Variants in FBXL15 observed in about 807,000 individuals in gnomAD.
The protein encoded by FBXL15 is F-box/LRR-repeat protein 15.
Under a neutral mutation model 23.6 loss-of-function variants are expected in FBXL15, and 19 were observed. The ratio of observed to expected loss-of-function variants is 0.81; its 90% CI spans 0.56 to 1.18. The LOEUF is 1.18. Ranked by LOEUF, FBXL15 falls within the 50% of genes most tolerant of loss-of-function variation. The pLI is 0.00. For synonymous variants in FBXL15, 224 were observed against 207.7 expected (o/e 1.08, Z -0.67); for missense variants, 385 against 425.4 (o/e 0.91, Z 0.83).
intron 1 of FBXL15, 65 bp downstream of exon 1, chr10:102,421,247 G>T: frequency 1.9e-6 from 3 of 1,581,354 alleles, no homozygotes. Flanking sequence ...AGCCGGGGCT[G>T]GGTCTGGGGG....
In FBXL15 at chr10:102,423,009, G is replaced by C. The variant is rs2061580848; in HGVS notation, c.*16G>C. The stretch of plus-strand genomic sequence containing the variant: ...GCAGGTCTGACCCGCCTGCCAATCG[G>C]AGCACAGCTGGACTGTGTGGCTGGG... On this transcript the variant is annotated 3_prime_UTR_variant, in exon 4 of 4. Coordinates refer to ENST00000369956, the MANE Select transcript of FBXL15 (RefSeq NM_024326.4). The surrounding 1 kb of genome is among the most constrained non-coding windows in gnomAD (Gnocchi z 5.6). The C allele has an allele frequency of 1.3e-6, 2 of 1,529,644 alleles. No individual in the cohort carries two copies. The highest frequency in any genetic ancestry group is 1.4e-5 in the African/African-American group (1 of 73,166). 94.8% of individuals were successfully genotyped at this position (1,529,644 alleles called of 1,614,324 possible).
Position 102,421,916 on chromosome 10 carries a change from A to G in FBXL15, c.337A>G (p.Asn113Asp), listed in dbSNP as rs1445565740. The change falls in exon 3 of 4, where the codon AAT becomes GAT. Residue 113 changes from asparagine to aspartate, a missense_variant. Asn to Asp is a conservative substitution (Grantham distance 23, BLOSUM62 1). Transcript: ENST00000369956. ...DEDLVPVLARNPQLRSVALGG... is the reference protein window; with the variant it reads ...DEDLVPVLARDPQLRSVALGG... ...GGACCTGGTGCCGGTGCTGGCGCGG[A>G]ATCCGCAGCTGCGGAGTGTGGCGTT... is the stretch of plus-strand genomic sequence containing the variant. The G allele has an allele frequency of 1.9e-6, 3 of 1,605,792 alleles. No individual in the cohort carries two copies. The East Asian group carries it at 6.7e-5, about 36-fold the overall frequency.
In FBXL15 at chr10:102,421,527, C is replaced by T; in HGVS notation, c.207+20C>T. Reference sequence around the variant, plus strand: ...GCGCAGGTGAGCCGGGGGCTGAAGCCCCGCCCCTGCCTGGGTACCGCCCCG... The same window carrying T: ...GCGCAGGTGAGCCGGGGGCTGAAGCTCCGCCCCTGCCTGGGTACCGCCCCG... On this transcript the variant is annotated intron_variant, in intron 2 of 3. Coordinates refer to ENST00000369956, the MANE Select transcript of FBXL15 (RefSeq NM_024326.4). 3 of 1,450,354 alleles carry T rather than the reference C, an allele frequency of 2.1e-6. No homozygotes were observed. Among genetic ancestry groups the T allele is most frequent in the Non-Finnish European group, 2.7e-6 (3 of 1,104,868 alleles). The allele number at this position is 1,450,354 out of a possible 1,614,324, so 89.8% of individuals were successfully genotyped here.
Position 102,422,699 on chromosome 10 carries a change from A to G in FBXL15, c.714-105A>G. Reference sequence around the variant, plus strand: ...TGCCCCGAGCTGGAGGGAGACCGGGATTTTGCCGGAGCCAGTCCGAGGCTG... The same window carrying G: ...TGCCCCGAGCTGGAGGGAGACCGGGGTTTTGCCGGAGCCAGTCCGAGGCTG... On this transcript the variant is annotated intron_variant, in intron 3 of 3. Coordinates refer to ENST00000369956, the MANE Select transcript of FBXL15 (RefSeq NM_024326.4). 1.2e-5 allele frequency: 15 copies of G among 1,253,952 alleles called. No individual in the cohort carries two copies. The South Asian group carries it at 2.1e-4, about 18-fold the overall frequency. 77.7% of individuals were successfully genotyped at this position (1,253,952 alleles called of 1,614,324 possible).
Position 102,423,090 on chromosome 10 carries a change from G to C in FBXL15, c.*97G>C. On this transcript the variant is annotated 3_prime_UTR_variant, in exon 4 of 4. Coordinates refer to ENST00000369956, the MANE Select transcript of FBXL15 (RefSeq NM_024326.4). The surrounding 1 kb of genome is among the most constrained non-coding windows in gnomAD (Gnocchi z 5.6). ...TGTGAGGACCTCTGGTGAGAGGCCA[G>C]TGCCCTGCCCCACCCTGGAGCTTCA... 7.8e-7 allele frequency: 1 copy of C among 1,279,656 alleles called. No homozygotes were observed. Among genetic ancestry groups the C allele is most frequent in the Non-Finnish European group, 1.1e-6 (1 of 939,796 alleles). 79.3% of individuals were successfully genotyped at this position (1,279,656 alleles called of 1,614,324 possible).
chr10:102,422,809 T>G lies in FBXL15; in HGVS notation c.719T>G (p.Leu240Trp), dbSNP rs1469928725. Residue 240 changes from leucine to tryptophan, a missense_variant, in exon 4 of 4, where the codon TTG becomes TGG. By Grantham distance (61) the Leu-to-Trp change is moderately conservative. This residue lies in a region of FBXL15 where 255 missense variants were observed against 330.2 expected (regional missense o/e 0.77). Transcript: ENST00000369956. ...LRVGSDGVRTLAEYCPVLRSL... is the reference protein window; with the variant it reads ...LRVGSDGVRTWAEYCPVLRSL... ...TCACCCTGCTCCTCCCTCAGGACAT[T>G]GGCCGAGTACTGCCCCGTGCTGCGT... 1 of 1,603,472 alleles carries G rather than the reference T, an allele frequency of 6.2e-7. No homozygotes were observed. The highest frequency in any genetic ancestry group is 8.5e-7 in the Non-Finnish European group (1 of 1,179,518).
At chr10:102,422,776 C>A in intron 3 of FBXL15, 28 bp from the exon 4 acceptor site, 2 of 1,587,550 alleles carry the variant, frequency 1.3e-6, no homozygotes, top group Non-Finnish European at 1.7e-6. Flanking sequence ...GGCCTCATGT[C>A]CCTAGCCTCA....
chr10:102,421,987 C>A lies in FBXL15; in HGVS notation c.408C>A (p.Ala136=), dbSNP rs755365532. The A allele has an allele frequency of 6.9e-6, 11 of 1,595,540 alleles. No individual in the cohort carries two copies. Among genetic ancestry groups the A allele is most frequent in the Non-Finnish European group, 8.5e-6 (10 of 1,177,264 alleles). ...QLSRRALGAL[A]EGCPRLQRLS... ...GTCGCCGGGCGCTTGGGGCTTTGGC[C>A]GAGGGCTGCCCACGCCTGCAGCGCC... The change falls in exon 3 of 4, where the codon GCC becomes GCA. Residue 136 remains alanine, a synonymous_variant. Transcript: ENST00000369956.
rs542523495 is a variant in FBXL15 at position 102,422,092 on chromosome 10, G to A, written c.513G>A (p.Leu171=). The A allele has an allele frequency of 6.8e-5, 107 of 1,573,184 alleles. No homozygotes were observed. The South Asian group carries it at 1.1e-3, about 17-fold the overall frequency. The change falls in exon 3 of 4, where the codon CTG becomes CTA. Residue 171 remains leucine, a synonymous_variant. Transcript: ENST00000369956. ...ATCGCTGCCCGGCCCTGGAGGAGCTGGATCTCACCGCCTGCCGCCAGCTCA... is the reference window on the plus strand; with the variant it reads ...ATCGCTGCCCGGCCCTGGAGGAGCTAGATCTCACCGCCTGCCGCCAGCTCA... ...LADRCPALEE[L]DLTACRQLKD...
chr10:102,421,159 G>A lies in FBXL15; in HGVS notation c.30G>A (p.Gly10=). ...AGCCACCGATGGAGCCGTCCGGAGG[G>A]GAGCAAGAGCCCGGAGCCGTCAGGT... MEPPMEPSG[G]EQEPGAVRFL... Residue 10 remains glycine (G), a synonymous_variant, in exon 1 of 4, where the codon GGG becomes GGA. Transcript: ENST00000369956. 1 of 1,611,506 alleles carries A rather than the reference G, an allele frequency of 6.2e-7. No individual in the cohort carries two copies. The highest frequency in any genetic ancestry group is 8.5e-7 in the Non-Finnish European group (1 of 1,178,930).
Position 102,420,885 on chromosome 10 carries a change from T to A in FBXL15, c.-245T>A, listed in dbSNP as rs1458751414. ...GAGGACGACAGAAGCCAGTCTCTGA[T>A]GCCCACCGCATTCTCCAGCTTCAGG... is the stretch of plus-strand genomic sequence containing the variant. On this transcript the variant is annotated 5_prime_UTR_variant, in exon 1 of 4. It removes an upstream start codon present in the reference 5' UTR. Coordinates refer to ENST00000369956, the MANE Select transcript of FBXL15 (RefSeq NM_024326.4). 1 of 1,393,058 alleles carries A rather than the reference T, an allele frequency of 7.2e-7. No individual in the cohort carries two copies. Among genetic ancestry groups the A allele is most frequent in the Non-Finnish European group, 9.3e-7 (1 of 1,072,514 alleles). 86.3% of individuals were successfully genotyped at this position (1,393,058 alleles called of 1,614,324 possible).
At chr10:102,421,585 C>A in intron 2 of FBXL15, 78 bp downstream of exon 2, 1 of 1,430,514 alleles carries the variant, frequency 7.0e-7, no homozygotes, top group Non-Finnish European at 9.1e-7. Context: ...CGCAGTATGC[C>A]CTTCTGGACC....
chr10:102,422,370 G>A, intron 3 of FBXL15, 78 bp downstream of exon 3: 2 of 1,404,324 alleles, frequency 1.4e-6, no homozygotes, highest in Non-Finnish European at 1.9e-6. Flanking sequence ...GTTGTTAAAA[G>A]GCCGGACTGA....
Position 102,422,110 on chromosome 10 carries a change from C to A in FBXL15, c.531C>A (p.Arg177=). ...AGGAGCTGGATCTCACCGCCTGCCG[C>A]CAGCTCAAGGACGAGGCCATCGTGT... ...ALEELDLTAC[R]QLKDEAIVYL... The change falls in exon 3 of 4, where the codon CGC becomes CGA. Residue 177 remains arginine, a synonymous_variant. Transcript: ENST00000369956. 1 of 1,564,292 alleles carries A rather than the reference C, an allele frequency of 6.4e-7. No homozygotes were observed. Among genetic ancestry groups the A allele is most frequent in the South Asian group, 1.2e-5 (1 of 85,844 alleles).
rs931262390 is a variant in FBXL15, at chr10:102,423,136, C to G, written c.*143C>G. ...CTTCAAATAAAGAGCTTTTTACCCC[C>G]TCTTGCCTGGTGCTGCCCTGTTGAA... On this transcript the variant is annotated 3_prime_UTR_variant, in exon 4 of 4. Transcript: ENST00000369956. The surrounding 1 kb of genome is among the most constrained non-coding windows in gnomAD (Gnocchi z 5.6). 1 of 946,590 alleles carries G rather than the reference C, an allele frequency of 1.1e-6. No individual in the cohort carries two copies. The highest frequency in any genetic ancestry group is 1.7e-5 in the African/African-American group (1 of 60,286). 58.6% of individuals were successfully genotyped at this position (946,590 alleles called of 1,614,324 possible).
At position 102,422,870 on chromosome 10, in the gene FBXL15, G is replaced by A; in HGVS notation, c.780G>A (p.Glu260=). 1.2e-6 allele frequency: 2 copies of A among 1,610,838 alleles called. No homozygotes were observed. Among genetic ancestry groups the A allele is most frequent in the Admixed American group, 1.7e-5 (1 of 59,834 alleles). Residue 260 remains glutamate, a synonymous_variant, in exon 4 of 4, where the codon GAG becomes GAA. Transcript: ENST00000369956. ...LRVRHCHHVA[E]SSLSRLRKRG... is the part of the protein sequence containing the mutation. Reference sequence around the variant, plus strand: ...TGCGGCACTGCCACCATGTGGCGGAGTCCAGCCTGAGCCGCTTGCGGAAGC... The same window carrying A: ...TGCGGCACTGCCACCATGTGGCGGAATCCAGCCTGAGCCGCTTGCGGAAGC...
chr10:102,421,735 C>G, intron 2 of FBXL15, 52 bp from the exon 3 acceptor site: 1 of 1,512,562 alleles, frequency 6.6e-7, no homozygotes, highest in East Asian at 2.5e-5. Flanking sequence ...GGTGCATAGG[C>G]GGCTGAGGAG....
intron 2 of FBXL15, 109 bp from the exon 3 acceptor site, chr10:102,421,678 T>G: frequency 6.9e-7 from 1 of 1,440,070 alleles, no homozygotes; most frequent in South Asian, 1.4e-5. Flanking sequence ...GAAAGTGGGG[T>G]CTCTCCTGGG....
chr10:102,421,093 C>G lies in FBXL15; in HGVS notation c.-37C>G. The stretch of plus-strand genomic sequence containing the variant: ...TGGTGCGGCCACTCCAAGGCCAAAG[C>G]GAGAAAATCTTACTGCGCACGCGCA... On this transcript the variant is annotated 5_prime_UTR_variant, in exon 1 of 4. Coordinates refer to ENST00000369956, the MANE Select transcript of FBXL15 (RefSeq NM_024326.4). 6.3e-7 allele frequency: 1 copy of G among 1,590,380 alleles called. No individual in the cohort carries two copies. Among genetic ancestry groups the G allele is most frequent in the Non-Finnish European group, 8.6e-7 (1 of 1,167,756 alleles).
Sources: allele counts gnomAD v4.1 joint callset, GRCh38; gene constraint gnomAD v4.1.1; regional missense constraint gnomAD v4.1.1; non-coding constraint Gnocchi (gnomAD v3.1); transcripts MANE v1.5; gene names NCBI Gene and HGNC (gene_info 2026-07-23, HGNC 2026-07-21).